CSMD3: variants seen among roughly 807,000 people sequenced by gnomAD.
CSMD3 encodes the protein CUB and sushi domain-containing protein 3.
CSMD3 carries 177 observed loss-of-function variants against 435.2 expected under a neutral mutation model. That is an observed-to-expected ratio of 0.41 (90% confidence interval 0.36 to 0.46). The LOEUF is 0.46. Ranked by LOEUF, CSMD3 falls within the 20% of genes least tolerant of loss-of-function variation. The probability of loss-of-function intolerance (pLI) is 0.34; values close to 1 mark genes in which losing one functional copy is unlikely to be tolerated. For missense variants in CSMD3, 4,265 were observed against 4,504.6 expected (o/e 0.95, Z 1.52); for synonymous variants, 1,656 against 1,520.5 (o/e 1.09, Z -2.07).
intron 27 of CSMD3, among the ~76,000 whole-genome samples, chr8:112,525,027 G>T (rs1282416702): frequency 6.6e-6 from 1 of 151,700 alleles, no homozygotes; most frequent in Non-Finnish European, 1.5e-5. Context: ...TAGCTCGACT[G>T]ATATCATCAT....
intron 38 of CSMD3, among the ~76,000 whole-genome samples, chr8:112,378,166 CA>C (rs76929094): frequency 0.41 from 59,554 of 146,926 alleles, 13,181 homozygotes; most frequent in Middle Eastern, 0.55. Flanking sequence ...ATCAAACACA[CA>C]AAAAAAAATG....
At chr8:112,294,147 A>G (rs1197325839) in intron 54 of CSMD3, among the ~76,000 whole-genome samples, 1 of 152,074 alleles carries the variant, frequency 6.6e-6, no homozygotes, top group Non-Finnish European at 1.5e-5. Flanking sequence ...CTATTATCCT[A>G]TTATCATAAC....
chr8:113,191,950 G>A (rs2092592231), intron 3 of CSMD3, among the ~76,000 whole-genome samples: 1 of 151,840 alleles, frequency 6.6e-6, no homozygotes, highest in Admixed American at 6.6e-5. Flanking sequence ...ATTCTGACTG[G>A]TGTAAGATGG....
chr8:113,361,176 C>A (rs965296752), intron 1 of CSMD3, among the ~76,000 whole-genome samples: 1 of 152,008 alleles, frequency 6.6e-6, no homozygotes. Context: ...ATTTGATTCC[C>A]CTCCCCCTAA....
At chr8:112,384,822 G>GCCA (rs1563872960) in intron 36 of CSMD3, among the ~76,000 whole-genome samples, 1 of 152,106 alleles carries the variant, frequency 6.6e-6, no homozygotes, top group Non-Finnish European at 1.5e-5. Flanking sequence ...TAGTATAACC[G>GCCA]CCACCTCCTT....
At chr8:113,431,771 C>T (rs1563815364) in intron 1 of CSMD3, among the ~76,000 whole-genome samples, 1 of 151,844 alleles carries the variant, frequency 6.6e-6, no homozygotes, top group Non-Finnish European at 1.5e-5. Flanking sequence ...ACCTCTCCTA[C>T]TTTTTTTGTT....
chr8:112,877,515 G>A lies in CSMD3; in HGVS notation c.1634-18249C>T, dbSNP rs149197743. Among the ~76,000 whole-genome samples the A allele has an allele frequency of 8.0e-3, 1,216 of 152,078 alleles. 14 individuals carry two copies. Among genetic ancestry groups the A allele is most frequent in the African/African-American group, 0.027 (1,134 of 41,488 alleles). On this transcript the variant is annotated intron_variant, in intron 10 of 70. Transcript: ENST00000297405. ...ACTCCTGACCTCAGGTGATCTGCTC[G>A]CCTCAGCCTCCCAAAGTGCTGGGAT...
intron 7 of CSMD3, among the ~76,000 whole-genome samples, chr8:112,971,098 C>G (rs972936533): frequency 1.3e-5 from 2 of 152,172 alleles, no homozygotes; most frequent in Non-Finnish European, 2.9e-5. Flanking sequence ...AGTCCCTCTA[C>G]TGTAATTCAA....
At chr8:112,326,988 C>T (rs1823575919) in intron 45 of CSMD3, among the ~76,000 whole-genome samples, 1 of 152,078 alleles carries the variant, frequency 6.6e-6, no homozygotes, top group Admixed American at 6.6e-5. Context: ...TGCCGCTGCA[C>T]TCCAGCCTGG....
At chr8:112,841,838 C>A (rs2080185949) in intron 11 of CSMD3, among the ~76,000 whole-genome samples, 1 of 151,750 alleles carries the variant, frequency 6.6e-6, no homozygotes, top group Non-Finnish European at 1.5e-5. Context: ...CAAACCTTAC[C>A]CCTAATATCA....
At chr8:112,414,376 C>A (rs988692058) in intron 32 of CSMD3, among the ~76,000 whole-genome samples, 2 of 151,998 alleles carry the variant, frequency 1.3e-5, no homozygotes, top group Non-Finnish European at 2.9e-5. Context: ...ATCTGGCATT[C>A]CCCCTGCTGG....
intron 22 of CSMD3, among the ~76,000 whole-genome samples, chr8:112,612,486 T>G (rs1436431226): frequency 2.0e-5 from 3 of 152,052 alleles, no homozygotes; most frequent in Non-Finnish European, 4.4e-5. Context: ...GGAAACATGC[T>G]AAGAGACTAT....
intron 45 of CSMD3, among the ~76,000 whole-genome samples, chr8:112,327,525 TG>T (rs1156599392): frequency 6.6e-6 from 1 of 152,220 alleles, no homozygotes; most frequent in African/African-American, 2.4e-5. Context: ...ATGCTTTTCA[TG>T]GATTGTTCTA....
At chr8:112,530,939 T>C (rs559271488) in intron 27 of CSMD3, among the ~76,000 whole-genome samples, 15 of 152,212 alleles carry the variant, frequency 9.9e-5, no homozygotes, top group Admixed American at 2.6e-4. Flanking sequence ...AATTCTGTAG[T>C]GACCATGGTC....
chr8:112,787,568 A>T (rs1294184340), intron 13 of CSMD3, among the ~76,000 whole-genome samples: 2 of 152,208 alleles, frequency 1.3e-5, no homozygotes, highest in East Asian at 1.9e-4. Context: ...GGGATAAAAA[A>T]ACTGTGCTGC....
At chr8:113,008,687 A>G (rs547770714) in intron 6 of CSMD3, among the ~76,000 whole-genome samples, 109 of 151,684 alleles carry the variant, frequency 7.2e-4, no homozygotes, top group Non-Finnish European at 1.3e-3. Flanking sequence ...AGATTTGGGA[A>G]CATGCATCTT....
chr8:113,378,692 G>A (rs2094400874), intron 1 of CSMD3, among the ~76,000 whole-genome samples: 1 of 152,066 alleles, frequency 6.6e-6, no homozygotes, highest in Non-Finnish European at 1.5e-5. Context: ...TTTCAGCTAG[G>A]GGAGATATTG....
intron 17 of CSMD3, among the ~76,000 whole-genome samples, chr8:112,664,971 G>C (rs1232845457): frequency 1.3e-5 from 2 of 152,194 alleles, no homozygotes; most frequent in East Asian, 3.9e-4. Context: ...AAACCATGTA[G>C]ATTATAACAA....
At chr8:112,602,688 A>T (rs1030590044) in intron 22 of CSMD3, among the ~76,000 whole-genome samples, 1 of 151,824 alleles carries the variant, frequency 6.6e-6, no homozygotes, top group Non-Finnish European at 1.5e-5. Flanking sequence ...CAATTAATAT[A>T]TATTTAGTAT....
Sources: gnomAD v4.1 joint callset for allele counts (sites outside exome capture counted in the v4.1 genomes callset) on GRCh38, gnomAD v4.1.1 for gene constraint, MANE v1.5 for transcripts, NCBI Gene and HGNC (gene_info 2026-07-23, HGNC 2026-07-21) for gene names.